RAPGEF4: variants seen among roughly 807,000 people sequenced by gnomAD.
RAPGEF4 encodes the protein RAP guanine-nucleotide-exchange factor (GEF) 4.
Under a neutral mutation model 147.9 loss-of-function variants are expected in RAPGEF4, and 66 were observed. The ratio of observed to expected loss-of-function variants is 0.45; its 90% confidence interval spans 0.37 to 0.55. RAPGEF4 has a LOEUF of 0.55. RAPGEF4 is among the 20% of genes least tolerant of loss of function. The pLI is 0.00. For missense variants in RAPGEF4, 1,071 were observed against 1,257.3 expected, an observed-to-expected ratio of 0.85 and a Z score of 2.24; for synonymous variants, 419 against 442.7, an observed-to-expected ratio of 0.95 and a Z score of 0.67.
Position 173,011,170 on chromosome 2 carries a change from G to GCGCGCGCGCACACA in RAPGEF4, c.1659-3293_1659-3292insGCGCGCGCACACAC, listed in dbSNP as rs564434178. ...AACCTTGGAACTTCAGCGCGCGCGC[G>GCGCGCGCGCACACA]CACACACACACACACACACACACAC... On this transcript the variant is annotated intron_variant, in intron 17 of 30. Coordinates refer to ENST00000397081, the MANE Select transcript of RAPGEF4 (RefSeq NM_007023.4). 4.9e-3 allele frequency among the ~76,000 whole-genome samples: 652 copies of GCGCGCGCGCACACA among 133,544 alleles called. 4 individuals are homozygous for GCGCGCGCGCACACA. The highest frequency in any genetic ancestry group is 1.0e-2 in the African/African-American group (348 of 34,842). The allele number at this position is 133,544 out of a possible 152,430, so 87.6% of individuals were successfully genotyped here.
At chr2:172,976,484 C>T (rs1025333612) in intron 10 of RAPGEF4, among the ~76,000 whole-genome samples, 5 of 152,188 alleles carry the variant, frequency 3.3e-5, no homozygotes, top group African/African-American at 7.2e-5. Flanking sequence ...GTTAGAGAAT[C>T]AGGTGGATTG....
intron 7 of RAPGEF4, 112 bp from the exon 8 acceptor site, chr2:172,961,008 TTA>T: frequency 1.1e-6 from 1 of 931,002 alleles, no homozygotes; most frequent in South Asian, 1.5e-5. Flanking sequence ...ACTGAGTGAG[TTA>T]TGTTTTCCAA....
At chr2:173,030,113 A>T (rs773732228) in intron 25 of RAPGEF4, 51 bp from the exon 26 acceptor site, 1 of 1,276,548 alleles carries the variant, frequency 7.8e-7, no homozygotes, top group Non-Finnish European at 1.1e-6. Context: ...AATTTTTTTT[A>T]TCTCACACAG....
intron 10 of RAPGEF4, among the ~76,000 whole-genome samples, chr2:172,969,270 C>T (rs1416205419): frequency 6.6e-6 from 1 of 152,234 alleles, no homozygotes. Flanking sequence ...GGTGCTAAGG[C>T]ATTAAGGTAA....
intron 17 of RAPGEF4, among the ~76,000 whole-genome samples, chr2:173,004,062 C>A (rs12053389): frequency 0.42 from 63,713 of 151,974 alleles, 14,985 homozygotes; most frequent in East Asian, 0.89. Flanking sequence ...ATAATGAAAA[C>A]TTATGAATTG....
chr2:172,897,331 G>T (rs1265492713), intron 4 of RAPGEF4, among the ~76,000 whole-genome samples: 9 of 152,020 alleles, frequency 5.9e-5, no homozygotes, highest in Admixed American at 5.9e-4. Context: ...TCAGATTTGG[G>T]TGAATTAATT....
At chr2:173,035,294 G>A (rs1683826139) in intron 27 of RAPGEF4, among the ~76,000 whole-genome samples, 2 of 151,870 alleles carry the variant, frequency 1.3e-5, no homozygotes, top group African/African-American at 4.8e-5. Context: ...AGATCACGAG[G>A]TCAGGAGATC....
intron 1 of RAPGEF4, among the ~76,000 whole-genome samples, chr2:172,739,664 C>T (rs1372916740): frequency 6.6e-6 from 1 of 152,202 alleles, no homozygotes; most frequent in Non-Finnish European, 1.5e-5. Context: ...AGCCACCACA[C>T]CCGGCCCATT....
chr2:172,822,548 T>C (rs1689183433), intron 4 of RAPGEF4, among the ~76,000 whole-genome samples: 1 of 152,236 alleles, frequency 6.6e-6, no homozygotes, highest in African/African-American at 2.4e-5. Context: ...ATCAGGGGTC[T>C]GAGCAGATCA....
intron 27 of RAPGEF4, among the ~76,000 whole-genome samples, chr2:173,035,750 GTATGT>G (rs1320975678): frequency 1.3e-5 from 2 of 152,094 alleles, no homozygotes; most frequent in Non-Finnish European, 2.9e-5. Context: ...CACATATTTT[GTATGT>G]TATATGTATT....
chr2:173,039,512 C>T (rs929290303), intron 29 of RAPGEF4, among the ~76,000 whole-genome samples: 3 of 151,790 alleles, frequency 2.0e-5, no homozygotes, highest in African/African-American at 7.3e-5. Flanking sequence ...CTACAGGATG[C>T]GATCAGGGCC....
At chr2:173,020,986 T>C (rs1185535357) in intron 23 of RAPGEF4, among the ~76,000 whole-genome samples, 2 of 152,214 alleles carry the variant, frequency 1.3e-5, no homozygotes, top group Non-Finnish European at 2.9e-5. Flanking sequence ...CATTGGTATG[T>C]CCCCAGTTTA....
intron 4 of RAPGEF4, among the ~76,000 whole-genome samples, chr2:172,892,031 G>A (rs1457345541): frequency 6.6e-6 from 1 of 152,128 alleles, no homozygotes; most frequent in Non-Finnish European, 1.5e-5. Flanking sequence ...GACCAATGGT[G>A]GAAGGAAGTC....
intron 4 of RAPGEF4, 134 bp downstream of exon 4, chr2:172,814,559 C>T (rs72908147): frequency 0.021 from 24,105 of 1,170,516 alleles, 362 homozygotes; most frequent in Admixed American, 0.046. Context: ...ATTTTCAAAA[C>T]TTGTTTTTGA....
rs1040572309 is a variant in RAPGEF4 at position 173,052,353 on chromosome 2, A to G, written c.*586A>G. 6.5e-6 allele frequency: 1 copy of G among 152,778 alleles called. No individual in the cohort carries two copies. The highest frequency in any genetic ancestry group is 1.9e-4 in the East Asian group (1 of 5,186). The allele number at this position is 152,778 out of a possible 1,614,324, so 9.5% of individuals were successfully genotyped here. A position where few individuals can be genotyped will look rare whatever the true frequency, so the allele number is the denominator to read the frequency against. On this transcript the variant is annotated 3_prime_UTR_variant, in exon 31 of 31. Coordinates refer to ENST00000397081, the MANE Select transcript of RAPGEF4 (RefSeq NM_007023.4). Reference sequence around the variant, plus strand: ...TGTAATTTAGGGAGGACTGGTCTGTAATTTCTGAATGTATATAGAATAATA... The same window carrying G: ...TGTAATTTAGGGAGGACTGGTCTGTGATTTCTGAATGTATATAGAATAATA...
chr2:172,747,567 G>A (rs924942146), intron 1 of RAPGEF4, among the ~76,000 whole-genome samples: 10 of 152,172 alleles, frequency 6.6e-5, no homozygotes, highest in African/African-American at 2.2e-4. Context: ...CCTGGCTCAA[G>A]CGATCCCTCT....
intron 6 of RAPGEF4, among the ~76,000 whole-genome samples, chr2:172,948,837 A>T (rs1468585476): frequency 6.6e-6 from 1 of 152,198 alleles, no homozygotes; most frequent in Non-Finnish European, 1.5e-5. Flanking sequence ...ACGATCAGGA[A>T]CAATAACTAA....
chr2:172,983,767 T>G (rs1258182997), intron 11 of RAPGEF4, among the ~76,000 whole-genome samples, 187 bp downstream of exon 11: 1 of 152,164 alleles, frequency 6.6e-6, no homozygotes, highest in Non-Finnish European at 1.5e-5. Flanking sequence ...GAATCAAATT[T>G]TGTCCTATTA....
chr2:172,978,311 T>C (rs182309899), intron 10 of RAPGEF4, among the ~76,000 whole-genome samples: 47 of 152,224 alleles, frequency 3.1e-4, no homozygotes, highest in Non-Finnish European at 4.6e-4. Flanking sequence ...GCTCACACCA[T>C]CCCCTTTCCT....
Sources: gnomAD v4.1 joint callset for allele counts (sites outside exome capture counted in the v4.1 genomes callset) on GRCh38, gnomAD v4.1.1 for gene constraint, MANE v1.5 for transcripts, NCBI Gene and HGNC (gene_info 2026-07-23, HGNC 2026-07-21) for gene names.